Variants in RPH3A observed in about 807,000 individuals in gnomAD.
RPH3A encodes rabphilin-3A.
A neutral mutation model predicts 102.2 loss-of-function variants in RPH3A; 48 were observed. That is an observed-to-expected ratio of 0.47 (90% CI 0.37 to 0.60). The LOEUF is 0.60. Among genes scored for constraint, RPH3A ranks in the 20% least tolerant of loss-of-function variants. RPH3A has a pLI of 0.00. For synonymous variants in RPH3A, 310 were observed against 324.3 expected, an observed-to-expected ratio of 0.96 and a Z score of 0.47; for missense variants, 781 against 910.1, an observed-to-expected ratio of 0.86 and a Z score of 1.83.
intron 1 of RPH3A, among the ~76,000 whole-genome samples, chr12:112,728,852 A>C (rs896361480): frequency 6.6e-6 from 1 of 152,208 alleles, no homozygotes. Context: ...TTCTCTAATG[A>C]AAGTTTGGGA....
intron 1 of RPH3A, among the ~76,000 whole-genome samples, chr12:112,670,213 C>T (rs746158895): frequency 6.6e-5 from 10 of 152,172 alleles, no homozygotes; most frequent in Admixed American, 2.0e-4. Flanking sequence ...GATGGAGTCT[C>T]GCCTTGTCGC....
chr12:112,683,532 G>C (rs2040241109), intron 1 of RPH3A, among the ~76,000 whole-genome samples: 1 of 152,096 alleles, frequency 6.6e-6, no homozygotes, highest in Non-Finnish European at 1.5e-5. Flanking sequence ...GAGGAGTGAG[G>C]GACAGGAAGA....
At chr12:112,740,538 T>C (rs2040701474) in intron 1 of RPH3A, among the ~76,000 whole-genome samples, 1 of 152,206 alleles carries the variant, frequency 6.6e-6, no homozygotes, top group Non-Finnish European at 1.5e-5. Flanking sequence ...GCACCATGCA[T>C]AGCCAAGTGG....
intron 1 of RPH3A, among the ~76,000 whole-genome samples, chr12:112,653,475 A>G (rs1160920679): frequency 6.6e-6 from 1 of 152,026 alleles, no homozygotes; most frequent in Non-Finnish European, 1.5e-5. Flanking sequence ...GGGGTGAGTC[A>G]GTGAGTGAGT....
chr12:112,609,707 T>G (rs1207749660), intron 1 of RPH3A, among the ~76,000 whole-genome samples: 1 of 152,160 alleles, frequency 6.6e-6, no homozygotes, highest in African/African-American at 2.4e-5. Flanking sequence ...CCTGTCAACA[T>G]GCATGAATAA....
intron 1 of RPH3A, among the ~76,000 whole-genome samples, chr12:112,658,166 A>AT (rs1238065934): frequency 6.6e-6 from 1 of 151,972 alleles, no homozygotes; most frequent in African/African-American, 2.4e-5. Flanking sequence ...TTATATATGT[A>AT]TTTTTTATTT....
At chr12:112,894,508 C>T (rs1231684969) in intron 19 of RPH3A, 70 bp from the exon 20 acceptor site, 7 of 1,347,030 alleles carry the variant, frequency 5.2e-6, no homozygotes, top group Non-Finnish European at 6.3e-6. Flanking sequence ...AAAGAAGGGG[C>T]CTTTGGGGTC....
intron 1 of RPH3A, among the ~76,000 whole-genome samples, chr12:112,621,867 G>T (rs1276393616): frequency 6.7e-6 from 1 of 150,294 alleles, no homozygotes; most frequent in Non-Finnish European, 1.5e-5. Flanking sequence ...ATCTGAGAAC[G>T]GGCAGACTGC....
At chr12:112,878,452 A>G (rs1415844130) in intron 13 of RPH3A, among the ~76,000 whole-genome samples, 1 of 152,192 alleles carries the variant, frequency 6.6e-6, no homozygotes, top group African/African-American at 2.4e-5. Flanking sequence ...AAGTGCCTCA[A>G]ACTGTTCTAG....
chr12:112,896,624 C>G (rs778017140), intron 21 of RPH3A, 26 bp from the exon 22 acceptor site: 11 of 1,613,604 alleles, frequency 6.8e-6, no homozygotes, highest in Non-Finnish European at 9.3e-6. Context: ...TGACCACCTG[C>G]TCCTATCTTC....
rs987952112 is a variant in RPH3A, at chr12:112,645,558, G to A, written c.-140+70239G>A. Reference sequence around the variant, plus strand: ...TGCAAGCAGTGCTTGAACTAAATTAGGATCTTGCTTTTAGAGAGGCAGGTG... The same window carrying A: ...TGCAAGCAGTGCTTGAACTAAATTAAGATCTTGCTTTTAGAGAGGCAGGTG... On this transcript the variant is annotated intron_variant, in intron 1 of 21. Transcript: ENST00000543106. Among the ~76,000 whole-genome samples, 6 of 152,140 alleles carry A rather than the reference G, an allele frequency of 3.9e-5. No individual in the cohort carries two copies. In the East Asian group the frequency reaches 1.2e-3, roughly 29 times the overall value.
chr12:112,698,954 C>T (rs550784822), intron 1 of RPH3A, among the ~76,000 whole-genome samples: 6 of 142,522 alleles, frequency 4.2e-5, no homozygotes, highest in Admixed American at 2.9e-4. Context: ...CTTCCAGGGT[C>T]TTGCTCTGTT....
chr12:112,695,425 G>T (rs373280240), intron 1 of RPH3A, among the ~76,000 whole-genome samples: 1 of 152,132 alleles, frequency 6.6e-6, no homozygotes, highest in Non-Finnish European at 1.5e-5. Flanking sequence ...AAGATTGAGG[G>T]TATTGCCTAT....
intron 1 of RPH3A, among the ~76,000 whole-genome samples, chr12:112,713,024 TCTTCTTCTTCTTCTTCTTCTTCTTCTC>T (rs1206010090): frequency 2.0e-4 from 12 of 60,984 alleles, no homozygotes; most frequent in South Asian, 8.6e-4. Flanking sequence ...TTCCTCTTCC[TCTTCTTCTTCTTCTTCTTCTTCTTCTC>T]CTTCTTCTTC....
chr12:112,613,921 G>A (rs1005808873), intron 1 of RPH3A, among the ~76,000 whole-genome samples: 4 of 152,188 alleles, frequency 2.6e-5, no homozygotes, highest in African/African-American at 9.7e-5. Context: ...TCTAGGATGG[G>A]TGACAGAGTG....
chr12:112,792,382 C>A (rs533443059), intron 2 of RPH3A, 119 bp downstream of exon 2: 40 of 152,294 alleles, frequency 2.6e-4, no homozygotes, highest in African/African-American at 9.4e-4. Flanking sequence ...TATCGAGGAA[C>A]GACTATGCTT....
At chr12:112,661,855 A>C (rs1031109777) in intron 1 of RPH3A, among the ~76,000 whole-genome samples, 3 of 151,886 alleles carry the variant, frequency 2.0e-5, no homozygotes, top group African/African-American at 7.2e-5. Context: ...AACTCCCCCC[A>C]GCCACCACCC....
intron 2 of RPH3A, among the ~76,000 whole-genome samples, chr12:112,803,220 T>A (rs557713566): frequency 6.6e-6 from 1 of 152,196 alleles, no homozygotes; most frequent in South Asian, 2.1e-4. Context: ...CTGCTTCCAG[T>A]GTTACATCAC....
intron 2 of RPH3A, among the ~76,000 whole-genome samples, chr12:112,802,598 CAT>C (rs1174574266): frequency 6.6e-6 from 1 of 151,870 alleles, no homozygotes; most frequent in East Asian, 1.9e-4. Context: ...ATGGTGCGAG[CAT>C]GTGTGTGTGA....
Sources: gnomAD v4.1 joint callset for allele counts (sites outside exome capture counted in the v4.1 genomes callset) on GRCh38, gnomAD v4.1.1 for gene constraint, MANE v1.5 for transcripts, NCBI Gene and HGNC (gene_info 2026-07-23, HGNC 2026-07-21) for gene names.